The following TAF3 variants were observed in gnomAD, a reference collection of about 807,000 sequenced individuals.
TAF3 encodes the protein transcription initiation factor TFIID subunit 3.
Under a neutral mutation model 80.6 loss-of-function variants are expected in TAF3, and 7 were observed. That is an observed-to-expected ratio of 0.09 (90% CI 0.05 to 0.16). The LOEUF (loss-of-function observed/expected upper bound fraction) is 0.16. Ranked by LOEUF, TAF3 falls within the 10% of genes least tolerant of loss-of-function variation. The pLI is 1.00. For synonymous variants in TAF3, 444 were observed against 446.1 expected (o/e 1.00, Z 0.06); for missense variants, 921 against 1,140.2 (o/e 0.81, Z 2.77).
At chr10:8,013,904 A>G in intron 6 of TAF3, 67 bp downstream of exon 6, 1 of 1,330,704 alleles carries the variant, frequency 7.5e-7, no homozygotes, top group Admixed American at 1.7e-5. Context: ...GAGATGAAGC[A>G]TCCACTGAGT....
Position 7,824,379 on chromosome 10 carries a change from T to G in TAF3, c.228T>G (p.Ser76Arg). 1.2e-6 allele frequency: 2 copies of G among 1,614,174 alleles called. No homozygotes were observed. Among genetic ancestry groups the G allele is most frequent in the Non-Finnish European group, 8.5e-7 (1 of 1,180,032 alleles). The change falls in exon 2 of 7, where the codon AGT becomes AGG. Residue 76 changes from serine (S) to arginine (R), a missense_variant. Transcript: ENST00000344293. ...VGEAFQLMGVSLHELEDYIHN... is the reference protein window; with the variant it reads ...VGEAFQLMGVRLHELEDYIHN... ...AAGCTTTCCAGCTGATGGGGGTTAG[T>G]CTACATGAACTAGAAGACTATATTC... is the stretch of plus-strand genomic sequence containing the variant.
intron 2 of TAF3, among the ~76,000 whole-genome samples, chr10:7,923,551 G>C (rs934826736): frequency 6.7e-6 from 1 of 149,720 alleles, no homozygotes; most frequent in Non-Finnish European, 1.5e-5. Context: ...CTTTATTTTA[G>C]TTTTGAAGTA....
At chr10:7,889,713 C>T (rs1837441174) in intron 2 of TAF3, among the ~76,000 whole-genome samples, 2 of 152,190 alleles carry the variant, frequency 1.3e-5, no homozygotes, top group Admixed American at 1.3e-4. Flanking sequence ...TGGCCTGGTC[C>T]TGTCCTATAT....
At chr10:7,907,273 C>T (rs75346048) in intron 2 of TAF3, among the ~76,000 whole-genome samples, 2,539 of 152,216 alleles carry the variant, frequency 0.017, 77 homozygotes, top group African/African-American at 0.057. Flanking sequence ...GTCATTGGTG[C>T]GACTTAGATC....
chr10:7,928,413 G>A (rs1837836031), intron 2 of TAF3, among the ~76,000 whole-genome samples: 2 of 152,086 alleles, frequency 1.3e-5, no homozygotes, highest in Admixed American at 1.3e-4. Flanking sequence ...TGTTTTTCAT[G>A]TAGTTTTACC....
intron 2 of TAF3, among the ~76,000 whole-genome samples, chr10:7,881,404 A>G (rs940715311): frequency 5.9e-5 from 9 of 152,090 alleles, no homozygotes; most frequent in African/African-American, 2.2e-4. Flanking sequence ...AGTCAGCAGT[A>G]TACGAAAACT....
rs760100308 is a variant in TAF3 at position 7,965,483 on chromosome 10, C to G, written c.1973C>G (p.Pro658Arg). 2 of 1,609,156 alleles carry G rather than the reference C, an allele frequency of 1.2e-6. No homozygotes were observed. The highest frequency in any genetic ancestry group is 1.7e-6 in the Non-Finnish European group (2 of 1,178,872). ...CCAGCACCCCCACTGGTGTTGCCCC[C>G]AAAAGAGTTGGCCCTGCCCTTGTTC... ...KAPAPPLVLPPKELALPLFSP... is the reference protein window; with the variant it reads ...KAPAPPLVLPRKELALPLFSP... The change falls in exon 3 of 7, where the codon CCA becomes CGA. Residue 658 changes from proline (P) to arginine (R), a missense_variant. By Grantham distance (103) the Pro-to-Arg change is moderately radical (BLOSUM62 -2). Coordinates refer to ENST00000344293, the MANE Select transcript of TAF3 (RefSeq NM_031923.4).
intron 2 of TAF3, among the ~76,000 whole-genome samples, chr10:7,962,692 TC>T (rs1454879230): frequency 6.6e-6 from 1 of 152,210 alleles, no homozygotes; most frequent in African/African-American, 2.4e-5. Context: ...GCATAATTAA[TC>T]AAGCCTCCTC....
intron 2 of TAF3, among the ~76,000 whole-genome samples, chr10:7,920,812 G>T (rs1837756108): frequency 6.6e-6 from 1 of 152,178 alleles, no homozygotes; most frequent in Non-Finnish European, 1.5e-5. Flanking sequence ...TGGTAGCATT[G>T]AAATAGAATT....
At chr10:7,974,132 A>G (rs1179237446) in intron 3 of TAF3, among the ~76,000 whole-genome samples, 1 of 78,616 alleles carries the variant, frequency 1.3e-5, no homozygotes, top group Non-Finnish European at 2.6e-5. Context: ...CTTCTGAAAC[A>G]TACACACACA....
chr10:7,879,705 A>G (rs77344408), intron 2 of TAF3, among the ~76,000 whole-genome samples: 509 of 152,174 alleles, frequency 3.3e-3, no homozygotes, highest in Non-Finnish European at 5.0e-3. Flanking sequence ...TATTCATCTG[A>G]TGGGCCATAG....
At chr10:7,826,273 A>T (rs923848462) in intron 2 of TAF3, among the ~76,000 whole-genome samples, 1 of 152,202 alleles carries the variant, frequency 6.6e-6, no homozygotes, top group South Asian at 2.1e-4. Flanking sequence ...ATCATAATCT[A>T]CACTTAACTA....
At chr10:7,925,601 C>T (rs929961859) in intron 2 of TAF3, among the ~76,000 whole-genome samples, 2 of 151,134 alleles carry the variant, frequency 1.3e-5, no homozygotes, top group South Asian at 2.1e-4. Flanking sequence ...GTCAGGAGCT[C>T]GAGACCAGCC....
At chr10:7,837,062 A>G (rs1422138988) in intron 2 of TAF3, among the ~76,000 whole-genome samples, 2 of 152,172 alleles carry the variant, frequency 1.3e-5, no homozygotes, top group African/African-American at 4.8e-5. Context: ...CCTTGTTTCT[A>G]TAAAAAATTT....
intron 4 of TAF3, among the ~76,000 whole-genome samples, chr10:7,987,670 G>A (rs1831791761): frequency 6.6e-6 from 1 of 152,184 alleles, no homozygotes; most frequent in African/African-American, 2.4e-5. Context: ...AGGATGAAAT[G>A]ACCCTATATT....
rs1837256952 is a variant in TAF3 at position 7,870,683 on chromosome 10, TC to T, written c.409+46124del. The stretch of plus-strand genomic sequence containing the variant: ...AACGAGCGGCAGAACTCGACACGCT[TC>T]TGAGTTCGCCTTCCTTCACTTCTTC... On this transcript the variant is annotated intron_variant, in intron 2 of 6. Coordinates refer to ENST00000344293, the MANE Select transcript of TAF3 (RefSeq NM_031923.4). Among the ~76,000 whole-genome samples, 3 of 152,246 alleles carry T rather than the reference TC, an allele frequency of 2.0e-5. No individual in the cohort carries two copies. In the South Asian group the frequency reaches 6.2e-4, roughly 32 times the overall value.
At chr10:7,933,881 TC>T (rs1224049950) in intron 2 of TAF3, among the ~76,000 whole-genome samples, 1 of 152,242 alleles carries the variant, frequency 6.6e-6, no homozygotes, top group East Asian at 1.9e-4. Context: ...ATGCACGTTT[TC>T]CCCCCGATTT....
intron 2 of TAF3, among the ~76,000 whole-genome samples, chr10:7,889,468 G>A (rs1025709641): frequency 1.3e-4 from 20 of 152,208 alleles, no homozygotes; most frequent in African/African-American, 4.6e-4. Flanking sequence ...CAGAAAGAAG[G>A]TAAATAATTG....
At chr10:7,944,315 T>C (rs1019884012) in intron 2 of TAF3, among the ~76,000 whole-genome samples, 3 of 152,206 alleles carry the variant, frequency 2.0e-5, no homozygotes, top group Admixed American at 6.5e-5. Flanking sequence ...CAATTTTCTG[T>C]CTAAATTATG....
Sources: gnomAD v4.1 joint callset for allele counts (sites outside exome capture counted in the v4.1 genomes callset) on GRCh38, gnomAD v4.1.1 for gene constraint, MANE v1.5 for transcripts, NCBI Gene and HGNC (gene_info 2026-07-23, HGNC 2026-07-21) for gene names.